The following NAPEPLD variants were observed in gnomAD, a reference collection of about 807,000 sequenced individuals.
NAPEPLD encodes N-acyl-phosphatidylethanolamine-hydrolyzing phospholipase D.
Under a neutral mutation model 38.1 loss-of-function variants are expected in NAPEPLD, and 23 were observed. That is an observed-to-expected ratio of 0.60 (90% CI 0.43 to 0.86). The LOEUF (loss-of-function observed/expected upper bound fraction) is 0.86, where lower values mean the gene tolerates loss of function less well. Ranked by LOEUF, NAPEPLD falls within the 40% of genes least tolerant of loss-of-function variation. The probability of loss-of-function intolerance (pLI) is 0.00; values close to 1 mark genes in which losing one functional copy is unlikely to be tolerated. For synonymous variants in NAPEPLD, 147 were observed against 162.0 expected (o/e 0.91, Z 0.71); for missense variants, 411 against 476.8 (o/e 0.86, Z 1.28).
intron 1 of NAPEPLD, among the ~76,000 whole-genome samples, chr7:103,135,341 C>G (rs1285966421): frequency 6.6e-6 from 1 of 152,126 alleles, no homozygotes; most frequent in African/African-American, 2.4e-5. Flanking sequence ...CTGCAAAGGG[C>G]TTCAGTGGGG....
At chr7:103,121,644 ATTAACT>A (rs780632136) in intron 2 of NAPEPLD, among the ~76,000 whole-genome samples, 6 of 152,196 alleles carry the variant, frequency 3.9e-5, no homozygotes, top group Non-Finnish European at 7.3e-5. Context: ...ATATTTCTAT[ATTAACT>A]TTATTCTTGG....
intron 3 of NAPEPLD, among the ~76,000 whole-genome samples, chr7:103,116,851 T>C (rs1177239673): frequency 6.6e-6 from 1 of 152,166 alleles, no homozygotes. Flanking sequence ...GTCTGTGAAA[T>C]ATAAATTTTA....
At chr7:103,141,084 T>C (rs1278880632) in intron 1 of NAPEPLD, among the ~76,000 whole-genome samples, 1 of 152,136 alleles carries the variant, frequency 6.6e-6, no homozygotes, top group Non-Finnish European at 1.5e-5. Flanking sequence ...TCCCCCCATC[T>C]GCTTTTTCCA....
intron 3 of NAPEPLD, among the ~76,000 whole-genome samples, chr7:103,118,944 A>G (rs1171913288): frequency 6.6e-6 from 1 of 152,222 alleles, no homozygotes; most frequent in Non-Finnish European, 1.5e-5. Context: ...TGACTGAAAT[A>G]AAACCCTCAC....
intron 1 of NAPEPLD, among the ~76,000 whole-genome samples, chr7:103,144,911 C>T (rs2129537336): frequency 6.6e-6 from 1 of 152,152 alleles, no homozygotes; most frequent in East Asian, 1.9e-4. Context: ...ACTCAGGAGG[C>T]TGAGGCACAA....
At chr7:103,116,305 C>G (rs1805565733) in intron 3 of NAPEPLD, among the ~76,000 whole-genome samples, 2 of 152,156 alleles carry the variant, frequency 1.3e-5, no homozygotes, top group Admixed American at 6.5e-5. Context: ...TTGTGATCTG[C>G]CTGCCTCCAC....
chr7:103,126,782 A>ATTTT (rs61285914), intron 2 of NAPEPLD: 5 of 78,760 alleles, frequency 6.3e-5, no homozygotes, highest in African/African-American at 2.0e-4. Context: ...AATTTTTTGT[A>ATTTT]TTTTTTTTTT....
chr7:103,136,527 A>T (rs2129533829), intron 1 of NAPEPLD, among the ~76,000 whole-genome samples: 1 of 151,172 alleles, frequency 6.6e-6, no homozygotes, highest in Non-Finnish European at 1.5e-5. Flanking sequence ...CAGAGGTTGC[A>T]GTGAGCCAAG....
intron 1 of NAPEPLD, chr7:103,141,997 C>T (rs1232380821): frequency 8.9e-6 from 6 of 673,016 alleles, no homozygotes; most frequent in Non-Finnish European, 5.3e-6. Context: ...TTAAACTACA[C>T]CAGAGGCTAC....
intron 1 of NAPEPLD, chr7:103,141,656 C>T: frequency 1.1e-6 from 1 of 911,714 alleles, no homozygotes; most frequent in Non-Finnish European, 1.9e-6. Flanking sequence ...TCTCCTCATC[C>T]ACGTGACCTT....
chr7:103,114,210 C>G (rs1040734351), intron 4 of NAPEPLD, among the ~76,000 whole-genome samples: 3 of 152,162 alleles, frequency 2.0e-5, no homozygotes, highest in Non-Finnish European at 2.9e-5. Context: ...CCATACATTT[C>G]TAAGTTTTGT....
Position 103,119,801 on chromosome 7 carries a change from G to A in NAPEPLD, c.717C>T (p.Pro239=), listed in dbSNP as rs1196885191. The A allele has an allele frequency of 8.7e-6, 14 of 1,613,916 alleles. No individual in the cohort carries two copies. The highest frequency in any genetic ancestry group is 2.7e-5 in the African/African-American group (2 of 74,848). ...AGACAAAAGTGACCTTATCATGTCCGGGGACACAATTCTCCTCCCACCAGT... is the reference window on the plus strand; with the variant it reads ...AGACAAAAGTGACCTTATCATGTCCAGGGACACAATTCTCCTCCCACCAGT... ...ELDWWEENCV[P]GHDKVTFVFT... Residue 239 remains proline, a synonymous_variant, in exon 3 of 5, where the codon CCC becomes CCT. Coordinates refer to ENST00000465647, the MANE Select transcript of NAPEPLD (RefSeq NM_001122838.3).
At chr7:103,144,437 C>T (rs1812138160) in intron 1 of NAPEPLD, among the ~76,000 whole-genome samples, 1 of 152,122 alleles carries the variant, frequency 6.6e-6, no homozygotes, top group Non-Finnish European at 1.5e-5. Context: ...CTATAACTTT[C>T]ATTACTCAAT....
intron 1 of NAPEPLD, among the ~76,000 whole-genome samples, chr7:103,137,274 G>A (rs1030474909): frequency 5.7e-4 from 86 of 152,066 alleles, no homozygotes; most frequent in Non-Finnish European, 4.7e-4. Context: ...AATGCAAAAC[G>A]CAATTTGAAT....
At chr7:103,139,153 C>A (rs1489872009) in intron 1 of NAPEPLD, among the ~76,000 whole-genome samples, 1 of 152,164 alleles carries the variant, frequency 6.6e-6, no homozygotes, top group Non-Finnish European at 1.5e-5. Flanking sequence ...ATACAAATAG[C>A]CATTAGATTT....
At chr7:103,147,895 T>G (rs984845795) in intron 1 of NAPEPLD, 1 of 801,392 alleles carries the variant, frequency 1.2e-6, no homozygotes, top group Non-Finnish European at 1.5e-6. Context: ...ATATTTTCAG[T>G]TGACTTGAAA....
intron 4 of NAPEPLD, among the ~76,000 whole-genome samples, chr7:103,105,870 T>C (rs1803209784): frequency 7.1e-6 from 1 of 141,696 alleles, no homozygotes; most frequent in Non-Finnish European, 1.5e-5. Context: ...GAGACGGAGG[T>C]TGCAGCGCGC....
intron 2 of NAPEPLD, among the ~76,000 whole-genome samples, chr7:103,124,309 T>A (rs1488063224): frequency 1.3e-5 from 2 of 151,948 alleles, no homozygotes; most frequent in Non-Finnish European, 2.9e-5. Context: ...AAATACAAAA[T>A]TAGCCAAGTG....
intron 1 of NAPEPLD, among the ~76,000 whole-genome samples, chr7:103,133,074 C>T (rs530649609): frequency 2.6e-5 from 4 of 152,084 alleles, no homozygotes; most frequent in African/African-American, 4.8e-5. Context: ...ACAAACAAAA[C>T]GAAAAAACCT....
Sources: allele counts gnomAD v4.1 joint callset (sites outside exome capture counted in the v4.1 genomes callset), GRCh38; gene constraint gnomAD v4.1.1; transcripts MANE v1.5; gene names NCBI Gene and HGNC (gene_info 2026-07-23, HGNC 2026-07-21).